Variants in HOOK3 observed in about 807,000 individuals in gnomAD.
The protein encoded by HOOK3 is protein Hook homolog 3.
Under a neutral mutation model 116.3 loss-of-function variants are expected in HOOK3, and 24 were observed. The ratio of observed to expected loss-of-function variants is 0.21; its 90% CI spans 0.15 to 0.29. The LOEUF (loss-of-function observed/expected upper bound fraction) is 0.29. Ranked by LOEUF, HOOK3 falls within the 10% of genes least tolerant of loss-of-function variation. The pLI, the probability that HOOK3 is intolerant of heterozygous loss-of-function variation, is 1.00. For missense variants in HOOK3, 632 were observed against 830.2 expected (o/e 0.76, Z 2.93); for synonymous variants, 275 against 283.0 (o/e 0.97, Z 0.28).
chr8:42,944,164 C>T (rs539587265), intron 5 of HOOK3, among the ~76,000 whole-genome samples: 1 of 152,014 alleles, frequency 6.6e-6, no homozygotes, highest in African/African-American at 2.4e-5. Context: ...CCTGTGATCC[C>T]AGCACTTTGG....
At chr8:42,990,236 T>A (rs1371309761) in intron 15 of HOOK3, among the ~76,000 whole-genome samples, 1 of 147,010 alleles carries the variant, frequency 6.8e-6, no homozygotes, top group Non-Finnish European at 1.5e-5. Context: ...ACTCAAGGGA[T>A]CCTCCCACCT....
rs1249286306 is a variant in HOOK3 at position 42,964,423 on chromosome 8, G to A, written c.728G>A (p.Arg243Lys). 3 of 1,614,094 alleles carry A rather than the reference G, an allele frequency of 1.9e-6. No homozygotes were observed. Among genetic ancestry groups the A allele is most frequent in the Non-Finnish European group, 2.5e-6 (3 of 1,180,010 alleles). Residue 243 changes from arginine to lysine, a missense_variant, in exon 9 of 22, where the codon AGG (arginine) becomes AAG (lysine). Physicochemically the swap from Arg to Lys is conservative, Grantham distance 26 (BLOSUM62 2). This residue lies in a region of HOOK3 where 483 missense variants were observed against 648.1 expected (regional missense o/e 0.75). Coordinates refer to ENST00000307602, the MANE Select transcript of HOOK3 (RefSeq NM_032410.4). ...IEDPNSPAGR[R>K]HLQLQTQLEQ... ...GACCCTAACAGTCCAGCAGGAAGAA[G>A]GCATTTGCAGCTCCAGACTCAATTA...
intron 13 of HOOK3, among the ~76,000 whole-genome samples, chr8:42,974,434 T>C (rs1378194862): frequency 6.6e-6 from 1 of 151,884 alleles, no homozygotes; most frequent in East Asian, 1.9e-4. Flanking sequence ...AGATGGGGTT[T>C]CACCATGTTG....
intron 12 of HOOK3, 67 bp from the exon 13 acceptor site, chr8:42,974,040 C>A: frequency 9.3e-7 from 1 of 1,078,232 alleles, no homozygotes; most frequent in Non-Finnish European, 1.4e-6. Flanking sequence ...TTAGGTAAGG[C>A]AGAGGCCACT....
chr8:43,011,718 AG>A (rs1265552927), intron 19 of HOOK3, among the ~76,000 whole-genome samples: 1 of 152,076 alleles, frequency 6.6e-6, no homozygotes, highest in Non-Finnish European at 1.5e-5. Flanking sequence ...TACAAAAAAA[AG>A]TTTTAAAAAA....
intron 2 of HOOK3, among the ~76,000 whole-genome samples, chr8:42,909,614 G>A (rs537433650): frequency 7.9e-5 from 12 of 152,218 alleles, no homozygotes; most frequent in Non-Finnish European, 5.9e-5. Flanking sequence ...GCACAGGCAC[G>A]CACACACCCA....
At chr8:42,954,528 A>G (rs1383701712) in intron 6 of HOOK3, among the ~76,000 whole-genome samples, 1 of 152,254 alleles carries the variant, frequency 6.6e-6, no homozygotes, top group African/African-American at 2.4e-5. Flanking sequence ...AATGTGTAAA[A>G]GGGTATCTTA....
rs5891200 is a variant in HOOK3, at chr8:43,013,312, CTTT to C, written c.1945-5_1945-3del. 1.2e-3 allele frequency: 1,378 copies of C among 1,187,210 alleles called. No homozygotes were observed. The highest frequency in any genetic ancestry group is 3.5e-3 in the South Asian group (201 of 57,098). The allele number at this position is 1,187,210 out of a possible 1,614,324, so 73.5% of individuals were successfully genotyped here. On this transcript the variant is annotated splice_polypyrimidine_tract_variant and intron_variant, in intron 20 of 21. Coordinates refer to ENST00000307602, the MANE Select transcript of HOOK3 (RefSeq NM_032410.4). ...TTATATCTTTACATATTTACATGTG[CTTT>C]TTTTTTTTTTTAGAAAGAATATGAG...
intron 11 of HOOK3, among the ~76,000 whole-genome samples, chr8:42,969,236 G>GGAACA (rs1808685613): frequency 2.0e-5 from 3 of 152,164 alleles, no homozygotes; most frequent in Non-Finnish European, 4.4e-5. Flanking sequence ...AATGTAGTTA[G>GGAACA]ATATTAGCAG....
At chr8:42,948,209 T>C (rs953303140) in intron 5 of HOOK3, among the ~76,000 whole-genome samples, 5 of 152,154 alleles carry the variant, frequency 3.3e-5, no homozygotes, top group African/African-American at 1.2e-4. Flanking sequence ...AAAACTCATG[T>C]TTCTTCCACA....
intron 14 of HOOK3, among the ~76,000 whole-genome samples, chr8:42,983,808 A>G (rs1808997692): frequency 6.6e-6 from 1 of 152,110 alleles, no homozygotes; most frequent in South Asian, 2.1e-4. Flanking sequence ...AACTAGCTTT[A>G]TGTGTAAAAA....
intron 5 of HOOK3, among the ~76,000 whole-genome samples, chr8:42,946,261 T>C (rs962587895): frequency 5.9e-5 from 9 of 152,114 alleles, no homozygotes; most frequent in Admixed American, 1.3e-4. Flanking sequence ...CAGCTGCAGC[T>C]TAAAGGGGGA....
chr8:42,960,999 CAATCA>C, intron 8 of HOOK3, among the ~76,000 whole-genome samples: 1 of 152,166 alleles, frequency 6.6e-6, no homozygotes, highest in South Asian at 2.1e-4. Context: ...AGGAAGCTTC[CAATCA>C]TGGCAGAAGG....
At chr8:42,959,459 C>G (rs973950911) in intron 8 of HOOK3, 145 bp downstream of exon 8, 10 of 555,668 alleles carry the variant, frequency 1.8e-5, no homozygotes, top group Non-Finnish European at 3.2e-5. Flanking sequence ...TGGCTCACAC[C>G]TGTAATCCCA....
At chr8:42,990,849 T>C (rs1037185389) in intron 15 of HOOK3, among the ~76,000 whole-genome samples, 5 of 152,184 alleles carry the variant, frequency 3.3e-5, no homozygotes, top group Non-Finnish European at 5.9e-5. Flanking sequence ...TGCTCCTTTT[T>C]CCTTTGGTTC....
chr8:42,966,754 C>T (rs1202392609), intron 10 of HOOK3, 141 bp downstream of exon 10: 2 of 760,712 alleles, frequency 2.6e-6, no homozygotes, highest in Admixed American at 2.8e-5. Context: ...CTCTGTATGG[C>T]TGTTTTCTCA....
intron 15 of HOOK3, among the ~76,000 whole-genome samples, chr8:42,996,894 C>CTTT (rs60094537): frequency 0.01 from 798 of 77,894 alleles, 165 homozygotes; most frequent in African/African-American, 0.028. Flanking sequence ...GGGCAGGGAT[C>CTTT]TTTTTTTTTT....
intron 19 of HOOK3, 83 bp downstream of exon 19, chr8:43,010,488 A>G (rs1056878431): frequency 1.4e-5 from 5 of 362,942 alleles, no homozygotes; most frequent in Middle Eastern, 3.6e-4. Context: ...CGGACACTAC[A>G]GCAACTTCTT....
rs1330417225 is a variant in HOOK3, at chr8:43,028,108, ATACTT to A, written c.*9613_*9617del. 5.3e-6 allele frequency: 1 copy of A among 188,130 alleles called. No individual in the cohort carries two copies. Among genetic ancestry groups the A allele is most frequent in the African/African-American group, 2.3e-5 (1 of 42,874 alleles). 11.7% of individuals were successfully genotyped at this position (188,130 alleles called of 1,614,324 possible). ...ATATTTTTCTAAGAACAGATTCTCA[ATACTT>A]TATTTTTCAAGTGATAAAATCATTT... On this transcript the variant is annotated 3_prime_UTR_variant, in exon 22 of 22. Coordinates refer to ENST00000307602, the MANE Select transcript of HOOK3 (RefSeq NM_032410.4).
Sources: allele counts gnomAD v4.1 joint callset (sites outside exome capture counted in the v4.1 genomes callset), GRCh38; gene constraint gnomAD v4.1.1; regional missense constraint gnomAD v4.1.1; transcripts MANE v1.5; gene names NCBI Gene and HGNC (gene_info 2026-07-23, HGNC 2026-07-21).